TNNI3K: variants seen among roughly 807,000 people sequenced by gnomAD.
TNNI3K encodes the protein serine/threonine-protein kinase TNNI3K.
TNNI3K carries 140 observed loss-of-function variants against 114.5 expected under a neutral mutation model. That is an observed-to-expected ratio of 1.22 (90% CI 1.07 to 1.41). The LOEUF is 1.41. TNNI3K is among the 40% of genes most tolerant of loss of function. The probability of loss-of-function intolerance (pLI) is 0.00; values close to 1 mark genes in which losing one functional copy is unlikely to be tolerated. For missense variants in TNNI3K, 1,125 were observed against 1,007.6 expected, an observed-to-expected ratio of 1.12 and a Z score of -1.58; for synonymous variants, 347 against 347.5, an observed-to-expected ratio of 1.00 and a Z score of 0.02.
intron 5 of TNNI3K, among the ~76,000 whole-genome samples, chr1:74,284,478 T>A (rs1165874262): frequency 6.6e-6 from 1 of 152,182 alleles, no homozygotes; most frequent in Non-Finnish European, 1.5e-5. Flanking sequence ...ATATATTAGG[T>A]TGGTACAAAA....
rs576892202 is a variant in TNNI3K, at chr1:74,336,430, A to C, written c.682+281A>C. On this transcript the variant is annotated intron_variant, in intron 7 of 24. Transcript: ENST00000326637. Reference sequence around the variant, plus strand: ...TTAGTTACATATGTATACATGTGCCATGCTGGTGCGCTGCACCCACTAACT... The same window carrying C: ...TTAGTTACATATGTATACATGTGCCCTGCTGGTGCGCTGCACCCACTAACT... Among the ~76,000 whole-genome samples, 329 of 152,204 alleles carry C rather than the reference A, an allele frequency of 2.2e-3. 1 individual carries two copies. Among genetic ancestry groups the C allele is most frequent in the African/African-American group, 7.2e-3 (298 of 41,532 alleles).
chr1:74,397,152 G>A lies in TNNI3K; in HGVS notation c.1772+26760G>A, dbSNP rs554583890. Among the ~76,000 whole-genome samples, 3 of 152,136 alleles carry A rather than the reference G, an allele frequency of 2.0e-5. No individual in the cohort carries two copies. The East Asian group carries it at 5.8e-4, about 30-fold the overall frequency. The stretch of plus-strand genomic sequence containing the variant: ...CACCACAGCTCGGCTCAGGCACAGA[G>A]AGAGAAAGAGGAAGAAACCGAGTAT... On this transcript the variant is annotated intron_variant, in intron 17 of 24. Coordinates refer to ENST00000326637, the MANE Select transcript of TNNI3K (RefSeq NM_015978.3).
intron 11 of TNNI3K, among the ~76,000 whole-genome samples, chr1:74,365,842 A>C (rs912554526): frequency 4.6e-5 from 7 of 151,690 alleles, no homozygotes; most frequent in African/African-American, 1.7e-4. Flanking sequence ...AAAATTAGAG[A>C]TCCACCAGTC....
intron 3 of TNNI3K, among the ~76,000 whole-genome samples, chr1:74,249,794 A>G (rs1008454459): frequency 2.0e-5 from 3 of 152,196 alleles, no homozygotes; most frequent in African/African-American, 7.2e-5. Flanking sequence ...CTTGGAAATC[A>G]AAAAGCACTT....
At position 74,351,128 on chromosome 1, in the gene TNNI3K, T is replaced by G. The variant is rs1251325722; in HGVS notation, c.933-2138T>G. Among the ~76,000 whole-genome samples, 6 of 151,998 alleles carry G rather than the reference T, an allele frequency of 3.9e-5. No individual in the cohort carries two copies. The East Asian group carries it at 1.2e-3, about 29-fold the overall frequency. On this transcript the variant is annotated intron_variant, in intron 9 of 24. Transcript: ENST00000326637. ...ACCAGTTGTTCCTTTCCATGTTTAG[T>G]GCTTCCTTCAGGAGCTCTTTTAGGG...
chr1:74,375,448 A>AATAATGGT, intron 17 of TNNI3K: 1 of 403,132 alleles, frequency 2.5e-6, no homozygotes, highest in Non-Finnish European at 5.1e-6. Context: ...CAAGATTAGA[A>AATAATGGT]ATAATGGTTT....
intron 20 of TNNI3K, among the ~76,000 whole-genome samples, chr1:74,441,529 G>A (rs1012504934): frequency 2.6e-5 from 4 of 152,028 alleles, no homozygotes; most frequent in East Asian, 3.9e-4. Context: ...TTGAATAAAT[G>A]AGTAACAGAT....
At chr1:74,329,309 A>G (rs1317471921) in intron 5 of TNNI3K, among the ~76,000 whole-genome samples, 1 of 152,082 alleles carries the variant, frequency 6.6e-6, no homozygotes, top group Non-Finnish European at 1.5e-5. Context: ...GGCCTGATAC[A>G]TAATAGTCCC....
At chr1:74,507,223 A>ACCC (rs36051033) in intron 23 of TNNI3K, among the ~76,000 whole-genome samples, 4,194 of 120,014 alleles carry the variant, frequency 0.035, 127 homozygotes, top group Non-Finnish European at 0.054. Flanking sequence ...AAATTTCTTC[A>ACCC]CCCCCCCCCC....
At chr1:74,294,268 C>A (rs1483021641) in intron 5 of TNNI3K, among the ~76,000 whole-genome samples, 1 of 151,816 alleles carries the variant, frequency 6.6e-6, no homozygotes, top group Non-Finnish European at 1.5e-5. Flanking sequence ...TTAGAAAGTT[C>A]TATTCTTTGG....
intron 4 of TNNI3K, among the ~76,000 whole-genome samples, chr1:74,255,080 T>C (rs1655189211): frequency 6.6e-6 from 1 of 152,186 alleles, no homozygotes; most frequent in Non-Finnish European, 1.5e-5. Flanking sequence ...TCTTTAACTG[T>C]AAACATCTAG....
chr1:74,425,009 C>T (rs1665567025), intron 17 of TNNI3K, among the ~76,000 whole-genome samples: 1 of 152,054 alleles, frequency 6.6e-6, no homozygotes, highest in South Asian at 2.1e-4. Context: ...CATTTAGTCT[C>T]AATTGGTGCA....
intron 21 of TNNI3K, chr1:74,470,229 A>C (rs1667856328): frequency 2.5e-6 from 1 of 400,728 alleles, no homozygotes; most frequent in East Asian, 3.6e-5. Context: ...TCTCCTCGGC[A>C]GAGCTTGCAT....
chr1:74,470,978 T>A lies in TNNI3K; in HGVS notation c.2121+7428T>A, dbSNP rs1570662985. On this transcript the variant is annotated intron_variant, in intron 21 of 24. Coordinates refer to ENST00000326637, the MANE Select transcript of TNNI3K (RefSeq NM_015978.3). ...AATGGTAAAACATCACTTCCTGTAT[T>A]TTCCCAAGTAGTTGCTAAATAACTA... The A allele has an allele frequency of 2.5e-5, 10 of 400,722 alleles. No individual in the cohort carries two copies. In the East Asian group the frequency reaches 3.6e-4, roughly 14 times the overall value. 24.8% of individuals were successfully genotyped at this position (400,722 alleles called of 1,614,324 possible).
In TNNI3K at chr1:74,258,418, C is replaced by T. The variant is rs117694621; in HGVS notation, c.333+7649C>T. The stretch of plus-strand genomic sequence containing the variant: ...ATTTCAGGCAGAAAACCATGGCAAT[C>T]ATGGGATATTGTGTGACTTGCTTTA... On this transcript the variant is annotated intron_variant, in intron 4 of 24. Coordinates refer to ENST00000326637, the MANE Select transcript of TNNI3K (RefSeq NM_015978.3). 3.3e-4 allele frequency among the ~76,000 whole-genome samples: 51 copies of T among 152,302 alleles called. No individual in the cohort carries two copies. In the East Asian group the frequency reaches 8.3e-3, roughly 25 times the overall value.
intron 21 of TNNI3K, chr1:74,471,051 G>A (rs1365445061): frequency 5.0e-6 from 2 of 400,602 alleles, no homozygotes; most frequent in African/African-American, 4.1e-5. Flanking sequence ...GCTCAGTTGA[G>A]AATTGAGAAT....
chr1:74,502,773 C>T (rs1053157507), intron 23 of TNNI3K, among the ~76,000 whole-genome samples: 39 of 152,284 alleles, frequency 2.6e-4, no homozygotes, highest in Non-Finnish European at 3.2e-4. Flanking sequence ...TATAAATCAC[C>T]TGCCTGTGCT....
chr1:74,532,867 G>C (rs1646608017), intron 23 of TNNI3K, among the ~76,000 whole-genome samples: 1 of 152,244 alleles, frequency 6.6e-6, no homozygotes, highest in East Asian at 1.9e-4. Context: ...GCCATATGTA[G>C]AAAGCTGAAA....
chr1:74,368,230 TA>T (rs1662383431), intron 13 of TNNI3K, among the ~76,000 whole-genome samples: 1 of 151,792 alleles, frequency 6.6e-6, no homozygotes, highest in Non-Finnish European at 1.5e-5. Context: ...CTGTTTTTTA[TA>T]AAAATGAATT....
Sources: gnomAD v4.1 joint callset for allele counts (sites outside exome capture counted in the v4.1 genomes callset) on GRCh38, gnomAD v4.1.1 for gene constraint, MANE v1.5 for transcripts, NCBI Gene and HGNC (gene_info 2026-07-23, HGNC 2026-07-21) for gene names.